Variants in CLNK observed in about 807,000 individuals in gnomAD.
CLNK encodes cytokine-dependent hematopoietic cell linker.
In CLNK, 74 loss-of-function variants were observed where a neutral mutation model predicts 68.6. The observed-to-expected ratio is 1.08, with a 90% CI of 0.89 to 1.31. The LOEUF (loss-of-function observed/expected upper bound fraction) is 1.31, where lower values mean the gene tolerates loss of function less well. CLNK is among the 50% of genes most tolerant of loss of function. CLNK has a pLI of 0.00. For synonymous variants in CLNK, 198 were observed against 172.2 expected, an observed-to-expected ratio of 1.15 and a Z score of -1.17; for missense variants, 553 against 515.3, an observed-to-expected ratio of 1.07 and a Z score of -0.71.
At chr4:10,548,830 T>C (rs1318732607) in intron 8 of CLNK, among the ~76,000 whole-genome samples, 1 of 152,250 alleles carries the variant, frequency 6.6e-6, no homozygotes, top group African/African-American at 2.4e-5. Context: ...ATTAGTTTAA[T>C]CAATGCATGC....
Position 10,629,243 on chromosome 4 carries a change from C to T in CLNK, c.12-31194G>A, listed in dbSNP as rs147133618. On this transcript the variant is annotated intron_variant, in intron 2 of 18. Transcript: ENST00000226951. ...TGTTTTCTCCAATTAATCTGCCTTT[C>T]GTGAGTTGATTTATCGTGAAACTTC... Among the ~76,000 whole-genome samples the T allele has an allele frequency of 9.3e-4, 142 of 152,288 alleles. 1 individual carries two copies. The East Asian group carries it at 0.021, about 22-fold the overall frequency.
At chr4:10,660,320 C>T (rs1560267284) in intron 2 of CLNK, among the ~76,000 whole-genome samples, 1 of 152,100 alleles carries the variant, frequency 6.6e-6, no homozygotes, top group Non-Finnish European at 1.5e-5. Flanking sequence ...GATTGCATAG[C>T]TATAAAACGA....
intron 2 of CLNK, among the ~76,000 whole-genome samples, chr4:10,666,024 T>C (rs1354993167): frequency 6.6e-6 from 1 of 152,024 alleles, no homozygotes; most frequent in African/African-American, 2.4e-5. Context: ...TGAGGTGAGA[T>C]GAAGAAAAGA....
rs71281268 is a variant in CLNK, at chr4:10,654,384, A to AATATATATATATAT, written c.11+13461_11+13474dup. Among the ~76,000 whole-genome samples, 245 of 84,142 alleles carry AATATATATATATAT rather than the reference A, an allele frequency of 2.9e-3. 16 individuals are homozygous for AATATATATATATAT. Among genetic ancestry groups the AATATATATATATAT allele is most frequent in the Admixed American group, 0.013 (113 of 8,428 alleles). The allele number at this position is 84,142 out of a possible 152,430, so 55.2% of individuals were successfully genotyped here. On this transcript the variant is annotated intron_variant, in intron 2 of 18. Transcript: ENST00000226951. ...TATATAGATAAATATATATTGATTAAATATATATATATATATATAGAAAGT... is the reference window on the plus strand; with the variant it reads ...TATATAGATAAATATATATTGATTAAATATATATATATATATATATATATATATATATAGAAAGT...
At chr4:10,499,259 TG>T in intron 18 of CLNK, among the ~76,000 whole-genome samples, 1 of 152,198 alleles carries the variant, frequency 6.6e-6, no homozygotes, top group Admixed American at 6.6e-5. Context: ...GCAGGACTTG[TG>T]TCAGGAATAA....
chr4:10,511,015 G>T (rs1272996109), intron 16 of CLNK, among the ~76,000 whole-genome samples: 1 of 152,200 alleles, frequency 6.6e-6, no homozygotes. Context: ...AGCCGTGAGT[G>T]GTGGCAACAT....
At chr4:10,624,965 C>A (rs541462863) in intron 2 of CLNK, among the ~76,000 whole-genome samples, 2 of 152,284 alleles carry the variant, frequency 1.3e-5, no homozygotes, top group Admixed American at 1.3e-4. Flanking sequence ...ATTTCAGAGA[C>A]AAGAGTCTGG....
intron 7 of CLNK, among the ~76,000 whole-genome samples, chr4:10,564,243 T>A (rs1382587639): frequency 6.6e-6 from 1 of 152,154 alleles, no homozygotes; most frequent in South Asian, 2.1e-4. Flanking sequence ...CTTTGGTAGA[T>A]AAAGTTACTA....
intron 4 of CLNK, among the ~76,000 whole-genome samples, chr4:10,580,290 A>G (rs1172239392): frequency 1.3e-5 from 2 of 152,250 alleles, no homozygotes; most frequent in South Asian, 2.1e-4. Context: ...AGTCTAGCAC[A>G]TACAATTATG....
intron 15 of CLNK, among the ~76,000 whole-genome samples, chr4:10,513,810 C>A (rs1028492926): frequency 4.0e-5 from 6 of 150,108 alleles, no homozygotes; most frequent in Non-Finnish European, 5.9e-5. Flanking sequence ...TTAGGGCTCC[C>A]AGAGTCATCT....
intron 8 of CLNK, among the ~76,000 whole-genome samples, chr4:10,556,798 C>T (rs1199678646): frequency 2.6e-5 from 4 of 151,986 alleles, no homozygotes; most frequent in Non-Finnish European, 4.4e-5. Context: ...GGAGAAGGGC[C>T]GGGTGTGGTG....
At chr4:10,635,721 T>C (rs1437772761) in intron 2 of CLNK, 1 of 152,196 alleles carries the variant, frequency 6.6e-6, no homozygotes, top group Admixed American at 6.5e-5. Context: ...TGGGTTGGAT[T>C]GGGTTATTAT....
intron 18 of CLNK, among the ~76,000 whole-genome samples, chr4:10,499,812 A>G (rs1716966519): frequency 6.6e-6 from 1 of 151,978 alleles, no homozygotes; most frequent in African/African-American, 2.4e-5. Context: ...GACCCTTCCC[A>G]GTGTCCTCAC....
At chr4:10,703,065 A>G in the CLNK span, among the ~76,000 whole-genome samples, 2 of 152,178 alleles carry the variant, frequency 1.3e-5, no homozygotes, top group Non-Finnish European at 2.9e-5. Flanking sequence ...CGCAGAGGAC[A>G]ATTAAGTTAA....
At chr4:10,609,915 G>T (rs926582768) in intron 2 of CLNK, among the ~76,000 whole-genome samples, 1 of 152,004 alleles carries the variant, frequency 6.6e-6, no homozygotes, top group Non-Finnish European at 1.5e-5. Context: ...GAGAGAGAAG[G>T]TTCCACTGCA....
chr4:10,645,295 A>G (rs1046041508), intron 2 of CLNK, among the ~76,000 whole-genome samples: 2 of 152,184 alleles, frequency 1.3e-5, no homozygotes, highest in African/African-American at 4.8e-5. Flanking sequence ...GAGACATTTC[A>G]TGTCACTGTC....
intron 1 of CLNK, among the ~76,000 whole-genome samples, chr4:10,671,121 C>T (rs1335536727): frequency 6.6e-6 from 1 of 152,186 alleles, no homozygotes; most frequent in African/African-American, 2.4e-5. Flanking sequence ...TGCAGTGGCT[C>T]ACACCTGTAA....
intron 8 of CLNK, among the ~76,000 whole-genome samples, chr4:10,544,133 T>C (rs532302099): frequency 6.6e-6 from 1 of 152,360 alleles, no homozygotes; most frequent in Non-Finnish European, 1.5e-5. Flanking sequence ...CAAGAGGTCT[T>C]TTTTCACTCT....
At chr4:10,491,120 T>C (rs1460688244) in intron 18 of CLNK, among the ~76,000 whole-genome samples, 1 of 152,172 alleles carries the variant, frequency 6.6e-6, no homozygotes, top group African/African-American at 2.4e-5. Context: ...ATAAGAATGA[T>C]AACAAGAGAG....
Sources: allele counts gnomAD v4.1 joint callset (sites outside exome capture counted in the v4.1 genomes callset), GRCh38; gene constraint gnomAD v4.1.1; transcripts MANE v1.5; gene names NCBI Gene and HGNC (gene_info 2026-07-23, HGNC 2026-07-21).